The following AHI1 variants were observed in gnomAD, a reference collection of about 807,000 sequenced individuals.
AHI1 encodes jouberin.
A neutral mutation model predicts 149.3 loss-of-function variants in AHI1; 123 were observed. The ratio of observed to expected loss-of-function variants is 0.82; its 90% CI spans 0.71 to 0.96. AHI1 has a LOEUF of 0.96. Among genes scored for constraint, AHI1 ranks in the 40% least tolerant of loss-of-function variants. The probability of loss-of-function intolerance (pLI) is 0.00; values close to 1 mark genes in which losing one functional copy is unlikely to be tolerated. For synonymous variants in AHI1, 475 were observed against 459.8 expected, an observed-to-expected ratio of 1.03 and a Z score of -0.42; for missense variants, 1,439 against 1,422.7, an observed-to-expected ratio of 1.01 and a Z score of -0.18.
Position 135,284,527 on chromosome 6 carries a change from A to G in AHI1, c.*1118T>C, listed in dbSNP as rs1234561332. 1 of 152,232 alleles carries G rather than the reference A, an allele frequency of 6.6e-6. No homozygotes were observed. The highest frequency in any genetic ancestry group is 1.9e-4 in the East Asian group (1 of 5,206). 9.4% of individuals were successfully genotyped at this position (152,232 alleles called of 1,614,324 possible). A position where few individuals can be genotyped will look rare whatever the true frequency, so the allele number is the denominator to read the frequency against. On this transcript the variant is annotated 3_prime_UTR_variant, in exon 29 of 29. Transcript: ENST00000265602. ...AACAAAAAATGAATATCCCATTATA[A>G]TATCAAACTTCAAAACATATAGTCT...
At chr6:135,322,683 C>T (rs1787048923) in intron 25 of AHI1, among the ~76,000 whole-genome samples, 1 of 152,036 alleles carries the variant, frequency 6.6e-6, no homozygotes, top group Non-Finnish European at 1.5e-5. Context: ...CTCATTTTTT[C>T]CCCCATAAAT....
At chr6:135,414,347 T>C (rs1454800147) in intron 20 of AHI1, among the ~76,000 whole-genome samples, 4 of 152,150 alleles carry the variant, frequency 2.6e-5, no homozygotes, top group South Asian at 4.1e-4. Flanking sequence ...GTAAGACTTC[T>C]AGAAAAAAAC....
intron 21 of AHI1, among the ~76,000 whole-genome samples, chr6:135,409,093 A>G (rs981980506): frequency 6.6e-6 from 1 of 152,030 alleles, no homozygotes; most frequent in Non-Finnish European, 1.5e-5. Flanking sequence ...AGAACAGTTT[A>G]TTTCTTTCAC....
At chr6:135,487,531 A>G (rs1794655975) in intron 5 of AHI1, among the ~76,000 whole-genome samples, 2 of 152,164 alleles carry the variant, frequency 1.3e-5, no homozygotes, top group South Asian at 2.1e-4. Flanking sequence ...TAAATTTCCC[A>G]TCAAAAAAAT....
At chr6:135,351,135 C>CAAAAAAAAAAAAAAAA (rs1183574427) in intron 24 of AHI1, among the ~76,000 whole-genome samples, 4 of 131,384 alleles carry the variant, frequency 3.0e-5, no homozygotes, top group African/African-American at 1.0e-4. Flanking sequence ...AAACAAAAAA[C>CAAAAAAAAAAAAAAAA]AAAAAAAACA....
chr6:135,435,763 G>T (rs1465644128), intron 15 of AHI1, among the ~76,000 whole-genome samples: 1 of 152,128 alleles, frequency 6.6e-6, no homozygotes, highest in Non-Finnish European at 1.5e-5. Context: ...GAACACTGAG[G>T]TCAATAGCAA....
chr6:135,387,803 C>T (rs534326731), intron 23 of AHI1: 2 of 1,344,954 alleles, frequency 1.5e-6, no homozygotes, highest in East Asian at 2.7e-5. Context: ...ACTGTTTATT[C>T]TCCCAATATT....
At chr6:135,478,027 C>A (rs1171579849) in intron 5 of AHI1, among the ~76,000 whole-genome samples, 1 of 152,010 alleles carries the variant, frequency 6.6e-6, no homozygotes, top group Non-Finnish European at 1.5e-5. Flanking sequence ...TCTCAAACAC[C>A]TGACCTCAGG....
In AHI1 at chr6:135,447,105, A is replaced by G. The variant is rs2128056468; in HGVS notation, c.1682T>C (p.Val561Ala). The G allele has an allele frequency of 6.2e-7, 1 of 1,612,038 alleles. No individual in the cohort carries two copies. Among genetic ancestry groups the G allele is most frequent in the Non-Finnish European group, 8.5e-7 (1 of 1,178,840 alleles). The change falls in exon 13 of 29, where the codon GTG becomes GCG. Residue 561 changes from valine to alanine, a missense_variant. Transcript: ENST00000265602. ...TGACTCATGGTGACGTTCACAATGC[A>G]CTGGTTTACCTTTTTCCTCCTGAAG... The part of the protein sequence containing the change: ...MALQEEKGKP[V>A]HCERHHESSS...
chr6:135,450,943 C>T (rs1031278238), intron 11 of AHI1, among the ~76,000 whole-genome samples: 2 of 152,068 alleles, frequency 1.3e-5, no homozygotes, highest in Non-Finnish European at 2.9e-5. Flanking sequence ...TCCAAGACAT[C>T]CCTCGTACCA....
chr6:135,301,218 A>T, intron 26 of AHI1: 1 of 984,670 alleles, frequency 1.0e-6, no homozygotes, highest in Middle Eastern at 5.2e-4. Context: ...CTATAAAACG[A>T]ATTGCAATTT....
At chr6:135,429,501 T>C (rs1286815719) in intron 18 of AHI1, among the ~76,000 whole-genome samples, 1 of 151,804 alleles carries the variant, frequency 6.6e-6, no homozygotes, top group Non-Finnish European at 1.5e-5. Context: ...TATCATATTA[T>C]ACTAATGCTG....
chr6:135,303,266 T>C (rs1383858026), intron 26 of AHI1, among the ~76,000 whole-genome samples: 3 of 152,170 alleles, frequency 2.0e-5, no homozygotes, highest in East Asian at 1.9e-4. Flanking sequence ...AGAATGAATA[T>C]AAAATTAGGT....
In AHI1 at chr6:135,318,684, A is replaced by T. The variant is rs1786354183; in HGVS notation, c.3329-68T>A. The T allele has an allele frequency of 3.4e-6, 3 of 878,888 alleles. No individual in the cohort carries two copies. In the Admixed American group the frequency reaches 8.6e-5, roughly 25 times the overall value. 54.4% of individuals were successfully genotyped at this position (878,888 alleles called of 1,614,324 possible). A position where few individuals can be genotyped will look rare whatever the true frequency, so the allele number is the denominator to read the frequency against. On this transcript the variant is annotated intron_variant, in intron 25 of 28. Coordinates refer to ENST00000265602, the MANE Select transcript of AHI1 (RefSeq NM_001134831.2). ...ACTGCTCCATGGGGGAAAAACAACG[A>T]TGGTAGGGGCAAATATGAAATTAAA...
At chr6:135,454,898 T>C (rs552379476) in intron 10 of AHI1, among the ~76,000 whole-genome samples, 86 of 152,236 alleles carry the variant, frequency 5.6e-4, no homozygotes, top group African/African-American at 2.0e-3. Flanking sequence ...TAAATACAAA[T>C]AGACAACCTG....
At chr6:135,341,475 A>C (rs1055044431) in intron 24 of AHI1, among the ~76,000 whole-genome samples, 7 of 152,070 alleles carry the variant, frequency 4.6e-5, no homozygotes, top group Non-Finnish European at 1.0e-4. Flanking sequence ...AGAAGATTTA[A>C]TCAATGCTGT....
chr6:135,403,657 T>C (rs1780334645), intron 22 of AHI1, among the ~76,000 whole-genome samples: 1 of 152,298 alleles, frequency 6.6e-6, no homozygotes, highest in South Asian at 2.1e-4. Flanking sequence ...AATTGTATTT[T>C]TGCCTCTGAT....
chr6:135,435,280 T>C (rs1214696048), intron 15 of AHI1: 2 of 152,126 alleles, frequency 1.3e-5, no homozygotes, highest in Non-Finnish European at 2.9e-5. Flanking sequence ...GTTTTAAAGA[T>C]AAATAAGGAA....
At chr6:135,493,985 G>C (rs1305424154) in intron 3 of AHI1, among the ~76,000 whole-genome samples, 3 of 152,208 alleles carry the variant, frequency 2.0e-5, no homozygotes, top group Non-Finnish European at 4.4e-5. Context: ...GGAGGTTGCA[G>C]GGAGCCAAGA....
Sources: allele counts gnomAD v4.1 joint callset (sites outside exome capture counted in the v4.1 genomes callset), GRCh38; gene constraint gnomAD v4.1.1; transcripts MANE v1.5; gene names NCBI Gene and HGNC (gene_info 2026-07-23, HGNC 2026-07-21).